CRIM1: variants seen among roughly 807,000 people sequenced by gnomAD.
The protein encoded by CRIM1 is cysteine-rich motor neuron 1 protein.
In CRIM1, 32 loss-of-function variants were observed where a neutral mutation model predicts 116.4. The observed-to-expected ratio is 0.27, with a 90% CI of 0.21 to 0.37. The LOEUF (loss-of-function observed/expected upper bound fraction) is 0.37, where lower values mean the gene tolerates loss of function less well. Ranked by LOEUF, CRIM1 falls within the 10% of genes least tolerant of loss-of-function variation. The pLI is 1.00. For synonymous variants in CRIM1, 590 were observed against 509.2 expected (o/e 1.16, Z -2.13); for missense variants, 1,331 against 1,354.8 (o/e 0.98, Z 0.28).
chr2:36,485,221 TCCA>T (rs1354676990), intron 7 of CRIM1, among the ~76,000 whole-genome samples: 7 of 152,172 alleles, frequency 4.6e-5, no homozygotes, highest in Non-Finnish European at 8.8e-5. Context: ...AACCAAAAAA[TCCA>T]CTATCTTTCT....
chr2:36,438,639 A>G (rs776483381), intron 2 of CRIM1, among the ~76,000 whole-genome samples: 25 of 152,184 alleles, frequency 1.6e-4, no homozygotes, highest in Non-Finnish European at 3.5e-4. Flanking sequence ...TGTAGCTCCC[A>G]TGAGACATGC....
chr2:36,495,363 T>C (rs1385630346), intron 7 of CRIM1, among the ~76,000 whole-genome samples: 1 of 152,150 alleles, frequency 6.6e-6, no homozygotes, highest in Non-Finnish European at 1.5e-5. Context: ...AAGTCTGGGA[T>C]AATAACAATT....
chr2:36,532,460 A>G (rs1462604282), intron 13 of CRIM1, among the ~76,000 whole-genome samples: 1 of 152,208 alleles, frequency 6.6e-6, no homozygotes, highest in Admixed American at 6.5e-5. Flanking sequence ...TAAATTACCT[A>G]AATAACCCAC....
intron 14 of CRIM1, among the ~76,000 whole-genome samples, chr2:36,537,762 C>A (rs757299294): frequency 6.6e-5 from 10 of 152,192 alleles, no homozygotes; most frequent in Admixed American, 6.5e-4. Flanking sequence ...CAGAATTCCT[C>A]GGGTTCTTTT....
At chr2:36,485,802 C>G (rs1044641324) in intron 7 of CRIM1, among the ~76,000 whole-genome samples, 3 of 152,112 alleles carry the variant, frequency 2.0e-5, no homozygotes, top group Non-Finnish European at 2.9e-5. Context: ...GTGCCATATA[C>G]GATGCTATTA....
chr2:36,385,210 C>G (rs1174640903), intron 1 of CRIM1, among the ~76,000 whole-genome samples: 1 of 152,086 alleles, frequency 6.6e-6, no homozygotes, highest in East Asian at 1.9e-4. Flanking sequence ...TTATGTCACT[C>G]TTTCATTTAT....
At chr2:36,514,481 G>C (rs938622401) in intron 11 of CRIM1, among the ~76,000 whole-genome samples, 8 of 152,082 alleles carry the variant, frequency 5.3e-5, no homozygotes, top group African/African-American at 1.9e-4. Context: ...CTTTGAGTTA[G>C]GGAAAAACAC....
intron 2 of CRIM1, among the ~76,000 whole-genome samples, chr2:36,430,727 T>C (rs1674820134): frequency 1.3e-5 from 2 of 152,210 alleles, no homozygotes; most frequent in Admixed American, 1.3e-4. Context: ...GAGGCTGTTC[T>C]CAGAGGCATG....
At chr2:36,435,336 G>GTGTGTA (rs1675219998) in intron 2 of CRIM1, among the ~76,000 whole-genome samples, 1 of 151,826 alleles carries the variant, frequency 6.6e-6, no homozygotes, top group Non-Finnish European at 1.5e-5. Context: ...CTCACTGTGT[G>GTGTGTA]TGTGTGTGTG....
rs1324054519 is a variant in CRIM1, at chr2:36,513,567, T to A, written c.1792T>A (p.Ser598Thr). Residue 598 changes from serine to threonine, a missense_variant, in exon 11 of 17, where the codon TCA (serine) becomes ACA (threonine). Ser to Thr is a moderately conservative substitution (Grantham distance 58). This residue lies in a region of CRIM1 where 358 missense variants were observed against 436.1 expected (regional missense o/e 0.82). Transcript: ENST00000280527. Reference protein sequence around the residue: ...LICKCREASASAGPPILSGTC... With the variant: ...LICKCREASATAGPPILSGTC... ...TTTTGTCTGTCCAGAGGCCTCTGCTTCAGCTGGGCCACCCATCCTGTCGGG... is the reference window on the plus strand; with the variant it reads ...TTTTGTCTGTCCAGAGGCCTCTGCTACAGCTGGGCCACCCATCCTGTCGGG... 6.2e-7 allele frequency: 1 copy of A among 1,614,020 alleles called. No individual in the cohort carries two copies. Among genetic ancestry groups the A allele is most frequent in the Non-Finnish European group, 8.5e-7 (1 of 1,180,002 alleles).
chr2:36,532,888 T>C (rs1313868781), intron 13 of CRIM1, among the ~76,000 whole-genome samples: 1 of 152,178 alleles, frequency 6.6e-6, no homozygotes, highest in Non-Finnish European at 1.5e-5. Context: ...GGGCATTCAG[T>C]AAGTGGAAGT....
intron 1 of CRIM1, among the ~76,000 whole-genome samples, chr2:36,376,405 G>A (rs537868750): frequency 8.5e-5 from 13 of 152,348 alleles, no homozygotes; most frequent in African/African-American, 2.9e-4. Flanking sequence ...GTAGGCGAGC[G>A]TTCATACAGT....
intron 2 of CRIM1, among the ~76,000 whole-genome samples, chr2:36,405,318 G>A (rs900476213): frequency 3.3e-5 from 5 of 152,116 alleles, no homozygotes; most frequent in East Asian, 1.9e-4. Flanking sequence ...CACTAGAACC[G>A]CTTCATGGAG....
chr2:36,506,461 A>G (rs1459803251), intron 8 of CRIM1, among the ~76,000 whole-genome samples: 1 of 152,062 alleles, frequency 6.6e-6, no homozygotes, highest in East Asian at 1.9e-4. Context: ...CCTCTAGGGG[A>G]CACCATCCAC....
intron 7 of CRIM1, among the ~76,000 whole-genome samples, chr2:36,491,167 G>A (rs1558363916): frequency 6.6e-6 from 1 of 152,174 alleles, no homozygotes. Context: ...AATTTGGGAT[G>A]TCAGATCTTA....
intron 4 of CRIM1, among the ~76,000 whole-genome samples, chr2:36,446,411 C>T (rs547193590): frequency 2.4e-4 from 37 of 152,344 alleles, no homozygotes; most frequent in East Asian, 9.6e-4. Flanking sequence ...GATGTTCTTA[C>T]TGTGCATGGG....
intron 2 of CRIM1, among the ~76,000 whole-genome samples, chr2:36,436,250 A>C (rs1675306192): frequency 6.6e-6 from 1 of 152,162 alleles, no homozygotes; most frequent in Admixed American, 6.5e-5. Context: ...ATTGTACTAC[A>C]TTTAAGTGAC....
chr2:36,484,929 A>T (rs2125057471), intron 7 of CRIM1, among the ~76,000 whole-genome samples: 1 of 152,264 alleles, frequency 6.6e-6, no homozygotes, highest in East Asian at 1.9e-4. Flanking sequence ...ACAAAGCAAA[A>T]TCCATGTTCT....
chr2:36,364,904 A>G (rs1669486528), intron 1 of CRIM1, among the ~76,000 whole-genome samples: 2 of 152,162 alleles, frequency 1.3e-5, no homozygotes, highest in Admixed American at 1.3e-4. Context: ...TTAAAATAAT[A>G]TTAATTTTAA....
Sources: gnomAD v4.1 joint callset for allele counts (sites outside exome capture counted in the v4.1 genomes callset) on GRCh38, gnomAD v4.1.1 for gene constraint, gnomAD v4.1.1 regional missense constraint, MANE v1.5 for transcripts, NCBI Gene and HGNC (gene_info 2026-07-23, HGNC 2026-07-21) for gene names.